The following CCAR1 variants were observed in gnomAD, a reference collection of about 807,000 sequenced individuals.
CCAR1 encodes cell division cycle and apoptosis regulator 1.
In CCAR1, 78 loss-of-function variants were observed where a neutral mutation model predicts 163.8. The observed-to-expected ratio is 0.48, with a 90% confidence interval of 0.40 to 0.57. The LOEUF (loss-of-function observed/expected upper bound fraction) is 0.57. Ranked by LOEUF, CCAR1 falls within the 20% of genes least tolerant of loss-of-function variation. The pLI is 0.00. For synonymous variants in CCAR1, 443 were observed against 460.7 expected (o/e 0.96, Z 0.49); for missense variants, 1,019 against 1,365.2 (o/e 0.75, Z 4.00).
intron 19 of CCAR1, among the ~76,000 whole-genome samples, chr10:68,778,215 C>G (rs2056691934): frequency 6.6e-6 from 1 of 152,042 alleles, no homozygotes; most frequent in Non-Finnish European, 1.5e-5. Context: ...GACTCCATCT[C>G]AAAAGAAAAG....
At chr10:68,784,687 C>T (rs2056775625) in intron 19 of CCAR1, among the ~76,000 whole-genome samples, 1 of 151,928 alleles carries the variant, frequency 6.6e-6, no homozygotes, top group Non-Finnish European at 1.5e-5. Context: ...TAGCTGGAAC[C>T]GCAGGCATGC....
chr10:68,766,519 A>G (rs2056537594), intron 17 of CCAR1, among the ~76,000 whole-genome samples: 1 of 144,734 alleles, frequency 6.9e-6, no homozygotes, highest in African/African-American at 2.6e-5. Context: ...AATCTCTTTG[A>G]ATGCCTCTTT....
At chr10:68,728,619 G>C (rs1462698363) in intron 2 of CCAR1, among the ~76,000 whole-genome samples, 1 of 152,096 alleles carries the variant, frequency 6.6e-6, no homozygotes, top group East Asian at 1.9e-4. Context: ...GAGAGTATAA[G>C]AACCTCATAT....
chr10:68,745,542 C>T (rs1488765224), intron 6 of CCAR1, among the ~76,000 whole-genome samples: 1 of 151,584 alleles, frequency 6.6e-6, no homozygotes, highest in Non-Finnish European at 1.5e-5. Context: ...CGGCTCACTG[C>T]AGCCTCTGCC....
At chr10:68,778,759 C>A (rs2056698400) in intron 19 of CCAR1, among the ~76,000 whole-genome samples, 2 of 152,054 alleles carry the variant, frequency 1.3e-5, no homozygotes, top group Admixed American at 1.3e-4. Context: ...TTGTTTGTTT[C>A]CCTGGAGTTT....
chr10:68,788,029 T>C lies in CCAR1; in HGVS notation c.2983T>C (p.Leu995=), dbSNP rs1161800810. 5 of 1,606,630 alleles carry C rather than the reference T, an allele frequency of 3.1e-6. No homozygotes were observed. Among genetic ancestry groups the C allele is most frequent in the Non-Finnish European group, 4.2e-6 (5 of 1,177,852 alleles). Residue 995 remains leucine, a synonymous_variant, in exon 22 of 25, where the codon TTG becomes CTG. Coordinates refer to ENST00000265872, the MANE Select transcript of CCAR1 (RefSeq NM_018237.4). The part of the protein sequence containing the change: ...DEENHEESES[L]QEDMLGNRLL... ...AGAGAACCATGAAGAGTCTGAGTCA[T>C]TGCAGGAAGATATGCTAGGTCTGAG...
chr10:68,749,024 A>T, intron 8 of CCAR1, 112 bp from the exon 9 acceptor site: 3 of 1,330,578 alleles, frequency 2.3e-6, no homozygotes, highest in Non-Finnish European at 3.1e-6. Context: ...AACTTTGAAA[A>T]AACAATTTTA....
chr10:68,737,134 A>G, intron 3 of CCAR1, 86 bp downstream of exon 3: 2 of 878,898 alleles, frequency 2.3e-6, no homozygotes, highest in Non-Finnish European at 3.6e-6. Flanking sequence ...TTTTACAGGT[A>G]GTGAAGAATT....
intron 19 of CCAR1, among the ~76,000 whole-genome samples, chr10:68,775,434 T>C (rs1206008567): frequency 3.9e-5 from 6 of 151,968 alleles, no homozygotes; most frequent in Non-Finnish European, 4.4e-5. Context: ...ATTGCTGCTT[T>C]AGTTGAATCA....
At position 68,771,464 on chromosome 10, in the gene CCAR1, C is replaced by G. The variant is rs769642446; in HGVS notation, c.2538+19C>G. The G allele has an allele frequency of 6.5e-7, 1 of 1,548,192 alleles. No homozygotes were observed. The highest frequency in any genetic ancestry group is 1.7e-4 in the Middle Eastern group (1 of 5,804). On this transcript the variant is annotated intron_variant, in intron 18 of 24. Coordinates refer to ENST00000265872, the MANE Select transcript of CCAR1 (RefSeq NM_018237.4). ...AAGGAAGGTCTGTAATAACAACCTG[C>G]TTTAGAAGCTTTCAGTTACTCTTCT...
rs768035554 is a variant in CCAR1, at chr10:68,740,640, C to G, written c.303C>G (p.Pro101=). 6.2e-7 allele frequency: 1 copy of G among 1,610,964 alleles called. No individual in the cohort carries two copies. The highest frequency in any genetic ancestry group is 1.7e-5 in the Admixed American group (1 of 59,508). ...LYSVQQQLQQ[P]QQTLLTQPAV... The stretch of plus-strand genomic sequence containing the variant: ...TTTTCTGTTTTCAGTTACAGCAACC[C>G]CAGCAAACCCTCTTAACACAGGTTA... The change falls in exon 5 of 25, where the codon CCC becomes CCG. Residue 101 remains proline, a synonymous_variant. Coordinates refer to ENST00000265872, the MANE Select transcript of CCAR1 (RefSeq NM_018237.4).
At chr10:68,769,402 C>T (rs1415266549) in intron 17 of CCAR1, among the ~76,000 whole-genome samples, 3 of 152,104 alleles carry the variant, frequency 2.0e-5, no homozygotes, top group African/African-American at 4.8e-5. Context: ...AGGCGGATCG[C>T]CTGAGTTCAG....
Position 68,740,612 on chromosome 10 carries a change from T to A in CCAR1, c.292-17T>A. 2 of 1,607,558 alleles carry A rather than the reference T, an allele frequency of 1.2e-6. No individual in the cohort carries two copies. The highest frequency in any genetic ancestry group is 1.7e-6 in the Non-Finnish European group (2 of 1,175,930). On this transcript the variant is annotated splice_polypyrimidine_tract_variant and intron_variant, in intron 4 of 24. Transcript: ENST00000265872. ...TGATTGACCCTTTTCTGTGTGTGTT[T>A]ATTTTTCTGTTTTCAGTTACAGCAA...
chr10:68,773,884 T>A (rs1158394513), intron 19 of CCAR1, among the ~76,000 whole-genome samples: 3 of 151,742 alleles, frequency 2.0e-5, no homozygotes, highest in Admixed American at 6.6e-5. Flanking sequence ...GGCTAATTTT[T>A]AAATTTTTTT....
intron 2 of CCAR1, among the ~76,000 whole-genome samples, chr10:68,732,334 AGTTTT>A (rs1476147775): frequency 3.1e-4 from 47 of 150,088 alleles, no homozygotes; most frequent in African/African-American, 6.0e-4. Context: ...TTACCAGAAC[AGTTTT>A]GTTTGTTTGT....
chr10:68,789,960 T>A, intron 24 of CCAR1, 45 bp downstream of exon 24: 2 of 1,232,236 alleles, frequency 1.6e-6, no homozygotes, highest in Non-Finnish European at 2.3e-6. Context: ...TTTAAAAATC[T>A]AACTCTGGTG....
At chr10:68,777,938 A>C (rs1373838727) in intron 19 of CCAR1, among the ~76,000 whole-genome samples, 1 of 152,026 alleles carries the variant, frequency 6.6e-6, no homozygotes, top group Non-Finnish European at 1.5e-5. Context: ...TCTGAAAAGA[A>C]GGCCGGGTGC....
At chr10:68,771,028 A>G (rs1424314262) in intron 17 of CCAR1, among the ~76,000 whole-genome samples, 178 bp from the exon 18 acceptor site, 1 of 152,184 alleles carries the variant, frequency 6.6e-6, no homozygotes, top group African/African-American at 2.4e-5. Context: ...CTGTGAGCCA[A>G]GATCGTGCCG....
At chr10:68,731,591 G>GTTTTTTTTTTT (rs67032408) in intron 2 of CCAR1, among the ~76,000 whole-genome samples, 12 of 75,624 alleles carry the variant, frequency 1.6e-4, no homozygotes, top group Non-Finnish European at 2.6e-4. Context: ...TCTTGTTTCT[G>GTTTTTTTTTTT]TTTTTTTTTT....
Sources: allele counts gnomAD v4.1 joint callset (sites outside exome capture counted in the v4.1 genomes callset), GRCh38; gene constraint gnomAD v4.1.1; transcripts MANE v1.5; gene names NCBI Gene and HGNC (gene_info 2026-07-23, HGNC 2026-07-21).